PKHD1: variants seen among roughly 807,000 people sequenced by gnomAD.
PKHD1 encodes fibrocystin.
PKHD1 carries 291 observed loss-of-function variants against 412.0 expected under a neutral mutation model. The ratio of observed to expected loss-of-function variants is 0.71; its 90% CI spans 0.64 to 0.78. The LOEUF (loss-of-function observed/expected upper bound fraction) is 0.78, where lower values mean the gene tolerates loss of function less well. PKHD1 is among the 30% of genes least tolerant of loss of function. The pLI is 0.00. For synonymous variants in PKHD1, 1,777 were observed against 1,821.5 expected (o/e 0.98, Z 0.62); for missense variants, 4,825 against 4,950.7 (o/e 0.97, Z 0.76).
intron 63 of PKHD1, among the ~76,000 whole-genome samples, chr6:51,646,234 T>G (rs17752699): frequency 0.024 from 3,624 of 152,276 alleles, 323 homozygotes; most frequent in Admixed American, 0.18. Context: ...TGATTGGGAC[T>G]CCCTCCGATG....
At chr6:51,784,775 A>G (rs982393682) in intron 53 of PKHD1, among the ~76,000 whole-genome samples, 7 of 152,008 alleles carry the variant, frequency 4.6e-5, no homozygotes, top group East Asian at 1.9e-4. Flanking sequence ...CACAAAGCAC[A>G]TTTCTCCCTC....
chr6:51,832,715 A>G (rs879110635), intron 51 of PKHD1, among the ~76,000 whole-genome samples: 23 of 152,126 alleles, frequency 1.5e-4, no homozygotes, highest in African/African-American at 5.5e-4. Context: ...GGGTGGTTGT[A>G]ATAGCTCCAG....
At chr6:51,700,832 T>A (rs1002280630) in intron 60 of PKHD1, among the ~76,000 whole-genome samples, 6 of 152,114 alleles carry the variant, frequency 3.9e-5, no homozygotes, top group African/African-American at 1.4e-4. Flanking sequence ...GGCAAGCAAC[T>A]CAAAGAGTTC....
chr6:51,702,149 T>TATATATTATATGTATAATATATA (rs1779483622), intron 60 of PKHD1, among the ~76,000 whole-genome samples: 2 of 123,506 alleles, frequency 1.6e-5, no homozygotes, highest in Non-Finnish European at 3.4e-5. Flanking sequence ...TACATATTAT[T>TATATATTATATGTATAATATATA]ATATATTATA....
chr6:51,787,844 G>A (rs1793131893), intron 53 of PKHD1, among the ~76,000 whole-genome samples: 2 of 152,120 alleles, frequency 1.3e-5, no homozygotes, highest in African/African-American at 2.4e-5. Flanking sequence ...AAATCTAAAT[G>A]TAACTTACTG....
At chr6:51,683,746 G>A (rs1281644582) in intron 60 of PKHD1, among the ~76,000 whole-genome samples, 1 of 152,026 alleles carries the variant, frequency 6.6e-6, no homozygotes, top group Non-Finnish European at 1.5e-5. Context: ...CTCTTCCATT[G>A]TATAGTTGTG....
rs138869310 is a variant in PKHD1, at chr6:51,846,280, G to A, written c.8107+1495C>T. 1.2e-3 allele frequency among the ~76,000 whole-genome samples: 177 copies of A among 152,270 alleles called. 1 individual carries two copies. The highest frequency in any genetic ancestry group is 3.9e-3 in the African/African-American group (164 of 41,552). ...AGTTCTGGGGCTAGCCTGTAGGTCC[G>A]ACTCACTGGACTTATGGTTAGGCAC... On this transcript the variant is annotated intron_variant, in intron 50 of 66. Transcript: ENST00000371117.
intron 60 of PKHD1, among the ~76,000 whole-genome samples, chr6:51,719,325 C>G (rs888327028): frequency 2.0e-5 from 3 of 152,114 alleles, no homozygotes; most frequent in African/African-American, 7.2e-5. Context: ...CCTCTCACCT[C>G]AGGTAGGCAA....
chr6:51,732,496 C>T (rs2150897439), intron 60 of PKHD1, among the ~76,000 whole-genome samples: 1 of 152,270 alleles, frequency 6.6e-6, no homozygotes, highest in South Asian at 2.1e-4. Context: ...CTTGAATAGA[C>T]ATTTCTCCAA....
chr6:51,765,473 G>A (rs1004802212), intron 55 of PKHD1, among the ~76,000 whole-genome samples: 3 of 152,028 alleles, frequency 2.0e-5, no homozygotes, highest in African/African-American at 7.2e-5. Flanking sequence ...TGCTCACTCT[G>A]CGCCAGCTAT....
At chr6:51,929,202 C>T (rs562258561) in intron 37 of PKHD1, among the ~76,000 whole-genome samples, 1 of 152,162 alleles carries the variant, frequency 6.6e-6, no homozygotes, top group East Asian at 1.9e-4. Flanking sequence ...GAAAGTTTCA[C>T]CCTACATCAA....
intron 60 of PKHD1, among the ~76,000 whole-genome samples, chr6:51,675,362 C>T (rs1382464025): frequency 6.6e-6 from 1 of 152,122 alleles, no homozygotes; most frequent in Non-Finnish European, 1.5e-5. Context: ...TATCTTTCTC[C>T]CTTGTTTTTG....
intron 60 of PKHD1, among the ~76,000 whole-genome samples, chr6:51,719,919 G>T (rs191292707): frequency 6.6e-6 from 1 of 152,130 alleles, no homozygotes; most frequent in East Asian, 1.9e-4. Flanking sequence ...GAATGAAAAA[G>T]AAAGTCTTAA....
In PKHD1 at chr6:52,070,403, T is replaced by C; in HGVS notation, c.707+3A>G. The stretch of plus-strand genomic sequence containing the variant: ...TTGCCTATTTCTATACCCAGTTACT[T>C]ACTTTCCTTTGTTAAATACTGAGAA... On this transcript the variant is annotated splice_donor_region_variant and intron_variant, in intron 10 of 66. Coordinates refer to ENST00000371117, the MANE Select transcript of PKHD1 (RefSeq NM_138694.4). The C allele has an allele frequency of 6.3e-7, 1 of 1,595,496 alleles. No homozygotes were observed. Among genetic ancestry groups the C allele is most frequent in the Admixed American group, 1.7e-5 (1 of 59,978 alleles).
rs1787275607 is a variant in PKHD1 at position 51,935,192 on chromosome 6, T to G, written c.5909-870A>C. On this transcript the variant is annotated intron_variant, in intron 36 of 66. Transcript: ENST00000371117. The stretch of plus-strand genomic sequence containing the variant: ...TAAAAGAAAAGTTGGGTTCTCTTAT[T>G]GGCAACCAGATAACCTTAACTGATA... Among the ~76,000 whole-genome samples, 5 of 152,342 alleles carry G rather than the reference T, an allele frequency of 3.3e-5. No individual in the cohort carries two copies. In the South Asian group the frequency reaches 1.0e-3, roughly 32 times the overall value.
At chr6:51,662,127 G>A (rs1772958926) in intron 60 of PKHD1, among the ~76,000 whole-genome samples, 1 of 151,734 alleles carries the variant, frequency 6.6e-6, no homozygotes, top group African/African-American at 2.4e-5. Context: ...AAAATTTGGG[G>A]AATGAAGTTA....
chr6:51,996,298 C>T (rs555718996), intron 35 of PKHD1, among the ~76,000 whole-genome samples: 2 of 151,984 alleles, frequency 1.3e-5, no homozygotes, highest in African/African-American at 2.4e-5. Context: ...CATGAGCCAC[C>T]GCTCCCAGTT....
At chr6:51,657,846 A>G (rs1469760516) in intron 61 of PKHD1, among the ~76,000 whole-genome samples, 1 of 152,094 alleles carries the variant, frequency 6.6e-6, no homozygotes, top group African/African-American at 2.4e-5. Context: ...TCTTTTATAT[A>G]TAATATAAAA....
intron 52 of PKHD1, among the ~76,000 whole-genome samples, chr6:51,811,249 T>G (rs1764641253): frequency 6.6e-6 from 1 of 152,146 alleles, no homozygotes; most frequent in Admixed American, 6.6e-5. Context: ...GAATTCACTT[T>G]AAGATCAACT....
Sources: gnomAD v4.1 joint callset for allele counts (sites outside exome capture counted in the v4.1 genomes callset) on GRCh38, gnomAD v4.1.1 for gene constraint, MANE v1.5 for transcripts, NCBI Gene and HGNC (gene_info 2026-07-23, HGNC 2026-07-21) for gene names.